The following AFAP1 variants were observed in gnomAD, a reference collection of about 807,000 sequenced individuals.
AFAP1 encodes actin filament associated protein 1.
In AFAP1, 75 loss-of-function variants were observed where a neutral mutation model predicts 93.9. That is an observed-to-expected ratio of 0.80 (90% CI 0.66 to 0.97). AFAP1 has a LOEUF of 0.97. AFAP1 is among the 50% of genes least tolerant of loss of function. AFAP1 has a pLI of 0.00. For missense variants in AFAP1, 1,201 were observed against 1,050.8 expected (o/e 1.14, Z -1.98); for synonymous variants, 517 against 430.7 (o/e 1.20, Z -2.48).
At chr4:7,868,406 A>C (rs140684036) in intron 3 of AFAP1, among the ~76,000 whole-genome samples, 44 of 152,270 alleles carry the variant, frequency 2.9e-4, no homozygotes, top group African/African-American at 1.0e-3. Context: ...AGGCAGTGCA[A>C]AGAAATGCTA....
chr4:7,889,620 G>A (rs1283407625), intron 1 of AFAP1, among the ~76,000 whole-genome samples: 5 of 143,632 alleles, frequency 3.5e-5, no homozygotes, highest in Admixed American at 7.0e-5. Context: ...CTCACTTTAC[G>A]ATTAAAACTC....
intron 3 of AFAP1, among the ~76,000 whole-genome samples, chr4:7,859,667 C>G (rs1415817926): frequency 2.6e-5 from 4 of 152,126 alleles, no homozygotes; most frequent in African/African-American, 9.7e-5. Context: ...TATCTACCTT[C>G]AGGAATCGTA....
Position 7,856,443 on chromosome 4 carries a change from G to A in AFAP1, c.226-869C>T, listed in dbSNP as rs182398930. Among the ~76,000 whole-genome samples, 80 of 152,100 alleles carry A rather than the reference G, an allele frequency of 5.3e-4. No homozygotes were observed. The East Asian group carries it at 5.4e-3, about 10-fold the overall frequency. ...TTTTTAGTAGAGACAGGGTTTCACCGTTTAGCCAGGATGGTCTCGAACTCC... is the reference window on the plus strand; with the variant it reads ...TTTTTAGTAGAGACAGGGTTTCACCATTTAGCCAGGATGGTCTCGAACTCC... On this transcript the variant is annotated intron_variant, in intron 3 of 17. Transcript: ENST00000420658.
At chr4:7,889,368 GA>G (rs1029900546) in intron 1 of AFAP1, among the ~76,000 whole-genome samples, 4 of 151,590 alleles carry the variant, frequency 2.6e-5, no homozygotes, top group African/African-American at 9.7e-5. Context: ...CTAACATGGT[GA>G]AACCCCATCT....
Position 7,800,653 on chromosome 4 carries a change from C to G in AFAP1, c.1055G>C (p.Gly352Ala). Residue 352 changes from glycine to alanine, a missense_variant and splice_region_variant, in exon 10 of 18, where the codon GGC becomes GCC. Gly to Ala is a moderately conservative substitution (Grantham distance 60). Transcript: ENST00000420658. Reference sequence around the variant, plus strand: ...GCTGTTGGAGAGCACGTTCAGATAGCCTGCGGAGACACAAGGCCACAGGTC... The same window carrying G: ...GCTGTTGGAGAGCACGTTCAGATAGGCTGCGGAGACACAAGGCCACAGGTC... ...SSAEEDVPTC[G>A]YLNVLSNSRW... 6.2e-7 allele frequency: 1 copy of G among 1,614,166 alleles called. No homozygotes were observed. The highest frequency in any genetic ancestry group is 8.5e-7 in the Non-Finnish European group (1 of 1,180,028).
chr4:7,880,402 C>T (rs1369577584), intron 1 of AFAP1, among the ~76,000 whole-genome samples: 1 of 151,626 alleles, frequency 6.6e-6, no homozygotes, highest in African/African-American at 2.4e-5. Context: ...GCCTCAGCCT[C>T]CTGAGTAGCT....
chr4:7,808,726 T>G (rs944645510), intron 9 of AFAP1, among the ~76,000 whole-genome samples: 1 of 151,938 alleles, frequency 6.6e-6, no homozygotes, highest in African/African-American at 2.4e-5. Context: ...TGGGAGCAGA[T>G]CTCTTATAAA....
chr4:7,911,889 T>C (rs1161719306), intron 1 of AFAP1, among the ~76,000 whole-genome samples: 1 of 152,228 alleles, frequency 6.6e-6, no homozygotes, highest in Non-Finnish European at 1.5e-5. Flanking sequence ...AGTTAGTTTG[T>C]TCATGTTTTG....
chr4:7,864,167 A>ATTCC (rs1577313455), intron 3 of AFAP1, among the ~76,000 whole-genome samples: 102 of 125,782 alleles, frequency 8.1e-4, no homozygotes, highest in African/African-American at 1.1e-3. Flanking sequence ...ATCACAACCC[A>ATTCC]CAGGTCCTTT....
intron 3 of AFAP1, among the ~76,000 whole-genome samples, chr4:7,861,258 C>T (rs1015016839): frequency 6.6e-6 from 1 of 152,214 alleles, no homozygotes; most frequent in African/African-American, 2.4e-5. Flanking sequence ...CCTTTTCTAA[C>T]TGATGTATTT....
chr4:7,897,712 T>C (rs1718870603), intron 1 of AFAP1, among the ~76,000 whole-genome samples: 1 of 151,978 alleles, frequency 6.6e-6, no homozygotes, highest in African/African-American at 2.4e-5. Flanking sequence ...TTAGTAGAGA[T>C]GGGGCTTCAC....
chr4:7,802,075 C>G (rs1250349432), intron 9 of AFAP1, among the ~76,000 whole-genome samples: 1 of 151,500 alleles, frequency 6.6e-6, no homozygotes, highest in Non-Finnish European at 1.5e-5. Context: ...ATGTTCAGGA[C>G]CCAGAATGAT....
intron 8 of AFAP1, among the ~76,000 whole-genome samples, chr4:7,811,931 A>G (rs1720081172): frequency 6.6e-6 from 1 of 151,776 alleles, no homozygotes; most frequent in African/African-American, 2.4e-5. Context: ...CAAAGAACCC[A>G]GGAATGCCAC....
At chr4:7,872,610 C>G (rs559645741) in intron 1 of AFAP1, among the ~76,000 whole-genome samples, 2 of 152,270 alleles carry the variant, frequency 1.3e-5, no homozygotes, top group Middle Eastern at 6.8e-3. Flanking sequence ...GAATTCCCAC[C>G]ATGCCTTTTC....
At chr4:7,868,836 T>G (rs2149176431) in intron 2 of AFAP1, 117 bp from the exon 3 acceptor site, 1 of 893,200 alleles carries the variant, frequency 1.1e-6, no homozygotes, top group Middle Eastern at 2.2e-4. Context: ...TTATTTTCTC[T>G]AATCCTTTAC....
chr4:7,892,704 A>C (rs1718539481), intron 1 of AFAP1, among the ~76,000 whole-genome samples: 1 of 152,148 alleles, frequency 6.6e-6, no homozygotes, highest in Non-Finnish European at 1.5e-5. Flanking sequence ...CGAACCCCCA[A>C]GACTCAGCCT....
chr4:7,809,521 G>A (rs1294635906), intron 9 of AFAP1, 93 bp downstream of exon 9: 55 of 1,407,266 alleles, frequency 3.9e-5, no homozygotes, highest in Non-Finnish European at 5.0e-5. Context: ...TCAAATTAAC[G>A]AGCCTTGGAT....
chr4:7,800,895 T>C (rs1372356919), intron 9 of AFAP1, among the ~76,000 whole-genome samples: 1 of 152,218 alleles, frequency 6.6e-6, no homozygotes, highest in African/African-American at 2.4e-5. Context: ...TCATTTAACA[T>C]GTGCAACGAA....
At chr4:7,925,021 C>G (rs1318742405) in intron 1 of AFAP1, among the ~76,000 whole-genome samples, 4 of 152,136 alleles carry the variant, frequency 2.6e-5, no homozygotes, top group African/African-American at 9.7e-5. Context: ...CTTTTCCATC[C>G]TGAAGCTTCC....
Sources: gnomAD v4.1 joint callset for allele counts (sites outside exome capture counted in the v4.1 genomes callset) on GRCh38, gnomAD v4.1.1 for gene constraint, MANE v1.5 for transcripts, NCBI Gene and HGNC (gene_info 2026-07-23, HGNC 2026-07-21) for gene names.